Variants in CTNNA2 observed in about 807,000 individuals in gnomAD.
CTNNA2 encodes the protein catenin alpha-2.
CTNNA2 carries 42 observed loss-of-function variants against 101.0 expected under a neutral mutation model. The observed-to-expected ratio is 0.42, with a 90% CI of 0.32 to 0.54. CTNNA2 has a LOEUF of 0.54. CTNNA2 is among the 20% of genes least tolerant of loss of function. CTNNA2 has a pLI of 0.14. For synonymous variants in CTNNA2, 450 were observed against 456.4 expected (o/e 0.99, Z 0.18); for missense variants, 871 against 1,223.1 (o/e 0.71, Z 4.29).
intron 1 of CTNNA2, among the ~76,000 whole-genome samples, chr2:79,190,597 T>G (rs1173088225): frequency 6.6e-6 from 1 of 152,170 alleles, no homozygotes; most frequent in Non-Finnish European, 1.5e-5. Flanking sequence ...AAGATTTTTC[T>G]AAGTCTACTT....
chr2:80,324,288 C>T (rs950630464), intron 7 of CTNNA2, among the ~76,000 whole-genome samples: 6 of 152,052 alleles, frequency 3.9e-5, no homozygotes, highest in African/African-American at 1.2e-4. Context: ...CCTCGTGGGC[C>T]GCTGCTCGCA....
intron 7 of CTNNA2, among the ~76,000 whole-genome samples, chr2:80,081,956 A>G (rs1558790418): frequency 6.6e-6 from 1 of 152,186 alleles, no homozygotes; most frequent in Non-Finnish European, 1.5e-5. Flanking sequence ...TGCAGGAGAC[A>G]AAGTATATGA....
intron 7 of CTNNA2, chr2:80,162,776 A>G: frequency 6.3e-7 from 1 of 1,591,308 alleles, no homozygotes; most frequent in Non-Finnish European, 8.6e-7. Context: ...CAAATTTTCC[A>G]CCATATGACA....
intron 2 of CTNNA2, among the ~76,000 whole-genome samples, chr2:79,287,099 A>C (rs1675618233): frequency 6.6e-6 from 1 of 152,124 alleles, no homozygotes; most frequent in African/African-American, 2.4e-5. Context: ...CTTGGTTTTC[A>C]GCTCCATCAG....
At chr2:80,472,912 G>A (rs6716591) in intron 9 of CTNNA2, among the ~76,000 whole-genome samples, 44,216 of 151,996 alleles carry the variant, frequency 0.29, 7,400 homozygotes, top group East Asian at 0.67. Flanking sequence ...GAGAGGATGA[G>A]GTCTGCCTCG....
chr2:79,784,547 G>GT (rs1274275710), intron 3 of CTNNA2, among the ~76,000 whole-genome samples: 3 of 150,584 alleles, frequency 2.0e-5, no homozygotes, highest in African/African-American at 4.9e-5. Flanking sequence ...CCAAATTTCT[G>GT]TTTTTTTCTC....
intron 6 of CTNNA2, among the ~76,000 whole-genome samples, chr2:79,882,346 C>A (rs1683498041): frequency 6.6e-6 from 1 of 152,168 alleles, no homozygotes; most frequent in Non-Finnish European, 1.5e-5. Context: ...ACACTGTGGC[C>A]ACCCCTCCCC....
chr2:79,997,764 G>C (rs970555364), intron 7 of CTNNA2, among the ~76,000 whole-genome samples: 40 of 152,304 alleles, frequency 2.6e-4, no homozygotes, highest in African/African-American at 9.1e-4. Flanking sequence ...GCCACTGTTA[G>C]TGTGACTTCA....
chr2:79,422,832 A>G (rs1291243952), intron 4 of CTNNA2, among the ~76,000 whole-genome samples: 1 of 152,218 alleles, frequency 6.6e-6, no homozygotes, highest in East Asian at 1.9e-4. Context: ...GGAAAGATAA[A>G]TCCGCAGAAT....
chr2:79,963,984 G>A (rs1191037480), intron 7 of CTNNA2, among the ~76,000 whole-genome samples: 1 of 152,150 alleles, frequency 6.6e-6, no homozygotes, highest in Non-Finnish European at 1.5e-5. Flanking sequence ...GGTTGGGGGT[G>A]GAAATTGCCT....
intron 4 of CTNNA2, among the ~76,000 whole-genome samples, chr2:79,411,278 G>T (rs1195459569): frequency 1.3e-5 from 2 of 151,710 alleles, no homozygotes; most frequent in African/African-American, 2.4e-5. Context: ...TTTTTTGAAG[G>T]GTTTTTTGTG....
At chr2:79,381,229 A>C (rs1288806238) in intron 4 of CTNNA2, among the ~76,000 whole-genome samples, 1 of 152,180 alleles carries the variant, frequency 6.6e-6, no homozygotes, top group African/African-American at 2.4e-5. Context: ...TCACCCACTC[A>C]GCTTCCTTAA....
At chr2:80,107,121 G>A (rs1213837127) in intron 7 of CTNNA2, among the ~76,000 whole-genome samples, 1 of 152,164 alleles carries the variant, frequency 6.6e-6, no homozygotes. Flanking sequence ...GGTCCCTGGT[G>A]AAGTCCCACC....
At chr2:80,476,692 A>G (rs372239755) in intron 9 of CTNNA2, among the ~76,000 whole-genome samples, 5 of 152,086 alleles carry the variant, frequency 3.3e-5, no homozygotes, top group East Asian at 3.9e-4. Flanking sequence ...CAACACCACA[A>G]TGCTCCTCCC....
intron 7 of CTNNA2, among the ~76,000 whole-genome samples, chr2:80,001,440 A>G (rs1394540659): frequency 6.6e-6 from 1 of 152,192 alleles, no homozygotes; most frequent in African/African-American, 2.4e-5. Context: ...AGAGTTTTAA[A>G]AAGCATTTTA....
intron 7 of CTNNA2, among the ~76,000 whole-genome samples, chr2:80,153,555 C>A (rs1267392367): frequency 1.3e-5 from 2 of 152,162 alleles, no homozygotes; most frequent in African/African-American, 4.8e-5. Context: ...CTCTTTGCAT[C>A]AGATCAGCTC....
intron 2 of CTNNA2, among the ~76,000 whole-genome samples, chr2:79,242,908 A>C (rs1674645216): frequency 6.6e-6 from 1 of 150,688 alleles, no homozygotes; most frequent in African/African-American, 2.4e-5. Context: ...ATGAGGCTGC[A>C]ATGAGCTATG....
rs12614016 is a variant in CTNNA2 at position 79,290,096 on chromosome 2, A to T, written c.-405-22613A>T. Reference sequence around the variant, plus strand: ...ATTTGCATGACCCTAAGAGTGAGAGACTCCTTAAAGTTTACACCGTAGGCT... The same window carrying T: ...ATTTGCATGACCCTAAGAGTGAGAGTCTCCTTAAAGTTTACACCGTAGGCT... On this transcript the variant is annotated intron_variant, in intron 2 of 21. Transcript: ENST00000466387. Among the ~76,000 whole-genome samples the T allele has an allele frequency of 2.6e-3, 394 of 152,084 alleles. 9 individuals are homozygous for T. The East Asian group carries it at 0.064, about 25-fold the overall frequency.
At chr2:80,490,283 C>A (rs1323037519) in intron 9 of CTNNA2, among the ~76,000 whole-genome samples, 1 of 81,062 alleles carries the variant, frequency 1.2e-5, no homozygotes, top group South Asian at 5.2e-4. Flanking sequence ...CCCCCCCACC[C>A]CCCCCCCGGT....
Sources: allele counts gnomAD v4.1 joint callset (sites outside exome capture counted in the v4.1 genomes callset), GRCh38; gene constraint gnomAD v4.1.1; transcripts MANE v1.5; gene names NCBI Gene and HGNC (gene_info 2026-07-23, HGNC 2026-07-21).